Variants in ZFR2 observed in about 807,000 individuals in gnomAD.
The protein encoded by ZFR2 is zinc finger RNA-binding protein 2.
Under a neutral mutation model 105.7 loss-of-function variants are expected in ZFR2, and 104 were observed. The observed-to-expected ratio is 0.98, with a 90% CI of 0.84 to 1.16. The LOEUF (loss-of-function observed/expected upper bound fraction) is 1.16. Among genes scored for constraint, ZFR2 ranks in the 50% most tolerant of loss-of-function variants. The probability of loss-of-function intolerance (pLI) is 0.00; values close to 1 mark genes in which losing one functional copy is unlikely to be tolerated. For missense variants in ZFR2, 1,425 were observed against 1,355.5 expected (o/e 1.05, Z -0.80); for synonymous variants, 634 against 597.7 (o/e 1.06, Z -0.89).
intron 17 of ZFR2, among the ~76,000 whole-genome samples, chr19:3,808,220 C>A (rs1170047278): frequency 1.3e-5 from 2 of 148,508 alleles, no homozygotes; most frequent in Non-Finnish European, 3.0e-5. Flanking sequence ...TGTGCCCGTG[C>A]GAGTGCGTGC....
intron 6 of ZFR2, 65 bp from the exon 7 acceptor site, chr19:3,825,472 G>C: frequency 1.3e-6 from 2 of 1,510,516 alleles, no homozygotes. Flanking sequence ...TTTTTCAAGA[G>C]GCAGGAAGGG....
At chr19:3,806,563 A>G (rs1334620757) in intron 18 of ZFR2, among the ~76,000 whole-genome samples, 1 of 152,178 alleles carries the variant, frequency 6.6e-6, no homozygotes, top group South Asian at 2.1e-4. Context: ...CCCGGCCGAC[A>G]CCGCTTCTTA....
intron 11 of ZFR2, among the ~76,000 whole-genome samples, chr19:3,819,459 G>T (rs546931749): frequency 2.6e-5 from 4 of 152,332 alleles, no homozygotes; most frequent in East Asian, 1.9e-4. Flanking sequence ...GTGAAGGAAT[G>T]GGGGGAAACT....
In ZFR2 at chr19:3,813,173, G is replaced by T. The variant is rs946854121; in HGVS notation, c.2242+647C>A. On this transcript the variant is annotated intron_variant, in intron 14 of 18. Transcript: ENST00000262961. The surrounding 1 kb of genome is among the most constrained non-coding windows in gnomAD (Gnocchi z 4.4). ...TATGACCAAAAAAGATTACGAAGGGGGTAAAAGATGATAGGAGTTTGGAAA... is the reference window on the plus strand; with the variant it reads ...TATGACCAAAAAAGATTACGAAGGGTGTAAAAGATGATAGGAGTTTGGAAA... Among the ~76,000 whole-genome samples the T allele has an allele frequency of 6.6e-6, 1 of 152,196 alleles. No individual in the cohort carries two copies. The highest frequency in any genetic ancestry group is 2.4e-5 in the African/African-American group (1 of 41,444).
At chr19:3,846,269 A>T (rs1286213617) in intron 1 of ZFR2, among the ~76,000 whole-genome samples, 1 of 152,230 alleles carries the variant, frequency 6.6e-6, no homozygotes, top group Non-Finnish European at 1.5e-5. Flanking sequence ...GAGCCACTGC[A>T]CCTGGCCCAT....
At chr19:3,833,395 T>A (rs1295467839) in intron 3 of ZFR2, 15 of 316,712 alleles carry the variant, frequency 4.7e-5, no homozygotes, top group Non-Finnish European at 4.8e-5. Context: ...GCTAATACTG[T>A]GAAACCCCGT....
chr19:3,854,763 A>G lies in ZFR2; in HGVS notation c.53+14202T>C, dbSNP rs540919434. 7.9e-5 allele frequency among the ~76,000 whole-genome samples: 12 copies of G among 152,238 alleles called. No homozygotes were observed. The East Asian group carries it at 2.3e-3, about 29-fold the overall frequency. On this transcript the variant is annotated intron_variant, in intron 1 of 18. Coordinates refer to ENST00000262961, the MANE Select transcript of ZFR2 (RefSeq NM_015174.2). The stretch of plus-strand genomic sequence containing the variant: ...AAGAGTTCTTCTAAACTACATCATT[A>G]AGAGGTTTTTTGTTTTAAGAGACAG...
chr19:3,865,264 A>G (rs1245022507), intron 1 of ZFR2, among the ~76,000 whole-genome samples: 2 of 152,190 alleles, frequency 1.3e-5, no homozygotes, highest in Non-Finnish European at 2.9e-5. Flanking sequence ...ATTCTTACTG[A>G]CCAACAATTA....
chr19:3,828,295 C>T (rs2037974987), intron 5 of ZFR2, among the ~76,000 whole-genome samples: 1 of 152,182 alleles, frequency 6.6e-6, no homozygotes, highest in Non-Finnish European at 1.5e-5. Flanking sequence ...CAGGTGCACA[C>T]CACCACGCGT....
rs563092254 is a variant in ZFR2, at chr19:3,841,826, G to A, written c.54-6843C>T. Among the ~76,000 whole-genome samples the A allele has an allele frequency of 3.9e-4, 59 of 151,390 alleles. 2 individuals carry two copies. The South Asian group carries it at 0.012, about 31-fold the overall frequency. ...TATTGAGACAGAGTCTCACTCTGTC[G>A]CCCAGGCTGGAGTGCAGTGTCACAA... On this transcript the variant is annotated intron_variant, in intron 1 of 18. Transcript: ENST00000262961.
At chr19:3,821,197 C>T in intron 10 of ZFR2, 143 bp downstream of exon 10, 1 of 1,221,626 alleles carries the variant, frequency 8.2e-7, no homozygotes, top group Non-Finnish European at 1.1e-6. Flanking sequence ...CAGGACGTGC[C>T]CACTGCCCGG....
chr19:3,837,572 A>G (rs557676669), intron 1 of ZFR2, among the ~76,000 whole-genome samples: 13 of 141,648 alleles, frequency 9.2e-5, no homozygotes, highest in Non-Finnish European at 1.7e-4. Flanking sequence ...CGTGACACCC[A>G]ATGAACACCG....
chr19:3,808,652 G>C (rs778950736), intron 17 of ZFR2, among the ~76,000 whole-genome samples: 47 of 152,232 alleles, frequency 3.1e-4, no homozygotes, highest in Non-Finnish European at 8.8e-5. Context: ...CCTCCCTTCC[G>C]GGACCTGCGT....
At chr19:3,808,119 ATG>A (rs1390404830) in intron 17 of ZFR2, among the ~76,000 whole-genome samples, 1 of 87,224 alleles carries the variant, frequency 1.1e-5, no homozygotes, top group Non-Finnish European at 2.2e-5. Context: ...TCATATCCAT[ATG>A]TGTGCCCGTG....
chr19:3,805,833 T>A lies in ZFR2; in HGVS notation c.*116A>T, dbSNP rs180767717. 1.2e-3 allele frequency: 1,459 copies of A among 1,221,806 alleles called. 4 individuals carry two copies. Among genetic ancestry groups the A allele is most frequent in the Non-Finnish European group, 1.3e-3 (1,221 of 918,050 alleles). The allele number at this position is 1,221,806 out of a possible 1,614,324, so 75.7% of individuals were successfully genotyped here. On this transcript the variant is annotated 3_prime_UTR_variant, in exon 19 of 19. Transcript: ENST00000262961. ...TGTTTTAAAGGAAACCTACAGAGCGTTACTCAAAAGGAAATGACCATTGTC... is the reference window on the plus strand; with the variant it reads ...TGTTTTAAAGGAAACCTACAGAGCGATACTCAAAAGGAAATGACCATTGTC...
At chr19:3,868,553 C>T (rs2038460998) in intron 1 of ZFR2, among the ~76,000 whole-genome samples, 1 of 151,858 alleles carries the variant, frequency 6.6e-6, no homozygotes, top group African/African-American at 2.4e-5. Context: ...GGGTCAGTTC[C>T]GTCCCCTCCC....
At chr19:3,855,435 G>C (rs2038286373) in intron 1 of ZFR2, 4 of 1,231,678 alleles carry the variant, frequency 3.2e-6, no homozygotes, top group East Asian at 6.3e-5. Flanking sequence ...CGGGCGATCC[G>C]GCGGCAGATT....
At chr19:3,810,984 A>G in intron 15 of ZFR2, 139 bp from the exon 16 acceptor site, 1 of 965,550 alleles carries the variant, frequency 1.0e-6, no homozygotes, top group South Asian at 1.7e-5. Flanking sequence ...GTGGAAACAG[A>G]GTCCACTCCC....
chr19:3,817,418 G>C (rs1007086999), intron 12 of ZFR2, among the ~76,000 whole-genome samples: 3 of 151,772 alleles, frequency 2.0e-5, no homozygotes, highest in Admixed American at 1.3e-4. Context: ...AATTAGCCAG[G>C]CATGGTGGCG....
Sources: gnomAD v4.1 joint callset for allele counts (sites outside exome capture counted in the v4.1 genomes callset) on GRCh38, gnomAD v4.1.1 for gene constraint, Gnocchi (gnomAD v3.1) non-coding constraint, MANE v1.5 for transcripts, NCBI Gene and HGNC (gene_info 2026-07-23, HGNC 2026-07-21) for gene names.